The following NFASC variants were observed in gnomAD, a reference collection of about 807,000 sequenced individuals.
The protein encoded by NFASC is neurofascin homolog.
A neutral mutation model predicts 147.5 loss-of-function variants in NFASC; 43 were observed. That is an observed-to-expected ratio of 0.29 (90% confidence interval 0.23 to 0.38). The LOEUF is 0.38. NFASC is among the 10% of genes least tolerant of loss of function. The pLI is 1.00. For synonymous variants in NFASC, 622 were observed against 665.5 expected, an observed-to-expected ratio of 0.93 and a Z score of 1.01; for missense variants, 1,320 against 1,689.0, an observed-to-expected ratio of 0.78 and a Z score of 3.83.
chr1:204,879,510 G>T (rs768085045), intron 1 of NFASC, among the ~76,000 whole-genome samples: 1 of 152,178 alleles, frequency 6.6e-6, no homozygotes, highest in Non-Finnish European at 1.5e-5. Context: ...GAGGACCAAG[G>T]GGTGGGAGAG....
intron 8 of NFASC, among the ~76,000 whole-genome samples, chr1:204,963,401 T>C (rs2094787820): frequency 6.6e-6 from 1 of 152,260 alleles, no homozygotes; most frequent in Admixed American, 6.5e-5. Flanking sequence ...GGAAGTATTC[T>C]GTAAGCCTGA....
chr1:204,895,744 T>C (rs1212353827), intron 1 of NFASC, among the ~76,000 whole-genome samples: 1 of 152,242 alleles, frequency 6.6e-6, no homozygotes, highest in African/African-American at 2.4e-5. Context: ...ACCACATTGT[T>C]ACTTTTCAGT....
chr1:204,885,773 C>T (rs2081205070), intron 1 of NFASC, among the ~76,000 whole-genome samples: 1 of 152,162 alleles, frequency 6.6e-6, no homozygotes, highest in Admixed American at 6.5e-5. Flanking sequence ...TAGACACATT[C>T]TTCACCCCCT....
chr1:204,958,476 G>C (rs572072783), intron 8 of NFASC, among the ~76,000 whole-genome samples: 15 of 152,192 alleles, frequency 9.9e-5, no homozygotes, highest in African/African-American at 3.6e-4. Context: ...AGCATTTCCC[G>C]ACCCATTATA....
chr1:204,954,505 C>G lies in NFASC; in HGVS notation c.412+121C>G. On this transcript the variant is annotated intron_variant, in intron 6 of 29. Transcript: ENST00000339876. This position sits in a 1 kb window ranked among gnomAD's most constrained non-coding sequence, Gnocchi z 5.7. The stretch of plus-strand genomic sequence containing the variant: ...TGGCCTGCAGTTGCCTTGGTGTTCT[C>G]TATGCATCTTCCCCACCTCAGAATG... 1 of 862,496 alleles carries G rather than the reference C, an allele frequency of 1.2e-6. No homozygotes were observed. The highest frequency in any genetic ancestry group is 1.8e-6 in the Non-Finnish European group (1 of 565,504). 53.4% of individuals were successfully genotyped at this position (862,496 alleles called of 1,614,324 possible).
At chr1:204,981,118 GT>G (rs2095502270) in intron 20 of NFASC, among the ~76,000 whole-genome samples, 2 of 152,240 alleles carry the variant, frequency 1.3e-5, no homozygotes, top group South Asian at 4.1e-4. Context: ...GAGATGCAGT[GT>G]TTGGGATCAT....
chr1:204,965,363 C>G (rs535865764), intron 8 of NFASC, among the ~76,000 whole-genome samples: 1 of 152,202 alleles, frequency 6.6e-6, no homozygotes, highest in African/African-American at 2.4e-5. Flanking sequence ...CAGTGGCTCT[C>G]AAAGCCACCA....
intron 1 of NFASC, among the ~76,000 whole-genome samples, chr1:204,884,060 G>T (rs919545007): frequency 1.3e-5 from 2 of 152,120 alleles, no homozygotes; most frequent in Non-Finnish European, 2.9e-5. Context: ...TTAAGTTGAC[G>T]TTGGGAGGCT....
At chr1:204,901,698 T>C (rs1283135425) in intron 1 of NFASC, among the ~76,000 whole-genome samples, 1 of 150,772 alleles carries the variant, frequency 6.6e-6, no homozygotes, top group Non-Finnish European at 1.5e-5. Flanking sequence ...GAGGGGAGAG[T>C]GGGGGCAAGG....
intron 2 of NFASC, among the ~76,000 whole-genome samples, chr1:204,940,135 G>A (rs1194082897): frequency 3.3e-5 from 5 of 152,072 alleles, no homozygotes; most frequent in Admixed American, 3.3e-4. Context: ...TTTTTGTTGA[G>A]GTGAAACATA....
chr1:204,987,242 G>A lies in NFASC; in HGVS notation c.2471-176G>A. Reference sequence around the variant, plus strand: ...CAGACCTGAAGGAAATAGCATCCTGGATGGGGCAATGGGCTCCGGTCGTCT... The same window carrying A: ...CAGACCTGAAGGAAATAGCATCCTGAATGGGGCAATGGGCTCCGGTCGTCT... On this transcript the variant is annotated intron_variant, in intron 21 of 29. Coordinates refer to ENST00000339876, the MANE Select transcript of NFASC (RefSeq NM_001005388.3). The surrounding 1 kb of genome is among the most constrained non-coding windows in gnomAD (Gnocchi z 4.4). 3.3e-6 allele frequency: 2 copies of A among 611,422 alleles called. No homozygotes were observed. The highest frequency in any genetic ancestry group is 4.1e-5 in the South Asian group (2 of 49,212). 37.9% of individuals were successfully genotyped at this position (611,422 alleles called of 1,614,324 possible). A position where few individuals can be genotyped will look rare whatever the true frequency, so the allele number is the denominator to read the frequency against.
chr1:204,959,571 T>C (rs1303136352), intron 8 of NFASC, among the ~76,000 whole-genome samples: 1 of 152,120 alleles, frequency 6.6e-6, no homozygotes, highest in Admixed American at 6.5e-5. Flanking sequence ...AAGAACAAGA[T>C]AACATGCTCG....
chr1:204,927,499 C>A (rs1289437270), intron 2 of NFASC, among the ~76,000 whole-genome samples: 1 of 152,104 alleles, frequency 6.6e-6, no homozygotes, highest in African/African-American at 2.4e-5. Flanking sequence ...TGTGTTTGAC[C>A]TTTTGAAGAT....
In NFASC at chr1:204,988,711, A is replaced by G; in HGVS notation, c.2672A>G (p.Asp891Gly). ...NQTKFTVQRT[D>G]PVSRYRFTLS... ...ACCAAGTTCACGGTGCAAAGAACGGACCCCGTGTCACGCTACCGCTTTACC... is the reference window on the plus strand; with the variant it reads ...ACCAAGTTCACGGTGCAAAGAACGGGCCCCGTGTCACGCTACCGCTTTACC... The change falls in exon 23 of 30, where the codon GAC (aspartate) becomes GGC (glycine). Residue 891 changes from aspartate (D) to glycine (G), a missense_variant. By Grantham distance (94) the Asp-to-Gly change is moderately conservative. Transcript: ENST00000339876. 1.2e-6 allele frequency: 2 copies of G among 1,614,184 alleles called. No individual in the cohort carries two copies. The highest frequency in any genetic ancestry group is 1.7e-6 in the Non-Finnish European group (2 of 1,180,004).
At chr1:204,947,502 C>T (rs1048127423) in intron 3 of NFASC, among the ~76,000 whole-genome samples, 5 of 152,192 alleles carry the variant, frequency 3.3e-5, no homozygotes, top group African/African-American at 9.7e-5. Flanking sequence ...GGCTGGGCGC[C>T]GCAGGCCTCC....
intron 1 of NFASC, among the ~76,000 whole-genome samples, chr1:204,882,171 C>T (rs903503252): frequency 2.6e-5 from 4 of 152,168 alleles, no homozygotes; most frequent in Admixed American, 6.5e-5. Context: ...TGCCTTACCA[C>T]GCTTTAACAA....
intron 7 of NFASC, among the ~76,000 whole-genome samples, chr1:204,956,372 C>T (rs533635479): frequency 1.3e-5 from 2 of 152,338 alleles, no homozygotes; most frequent in African/African-American, 2.4e-5. Flanking sequence ...CTTGTCTCCC[C>T]TCATCCCCTT....
At chr1:205,000,936 G>T in intron 25 of NFASC, 3 of 567,016 alleles carry the variant, frequency 5.3e-6, no homozygotes, top group Middle Eastern at 4.9e-4. Context: ...GTACCTGCTT[G>T]TCCCTGGACA....
intron 1 of NFASC, among the ~76,000 whole-genome samples, chr1:204,916,618 A>G (rs886824793): frequency 1.3e-4 from 20 of 152,228 alleles, no homozygotes; most frequent in Admixed American, 4.6e-4. Flanking sequence ...TAACCCAGAT[A>G]TATCAATGAG....
Sources: gnomAD v4.1 joint callset for allele counts (sites outside exome capture counted in the v4.1 genomes callset) on GRCh38, gnomAD v4.1.1 for gene constraint, Gnocchi (gnomAD v3.1) non-coding constraint, MANE v1.5 for transcripts, NCBI Gene and HGNC (gene_info 2026-07-23, HGNC 2026-07-21) for gene names.